CIMIP5: variants seen among roughly 807,000 people sequenced by gnomAD.
CIMIP5 encodes ciliary microtubule inner protein 5, also known as uncharacterized protein C2orf50.
the CIMIP5 span, among the ~76,000 whole-genome samples, chr2:11,148,799 G>A: frequency 1.2e-4 from 17 of 138,536 alleles, no homozygotes; most frequent in Non-Finnish European, 1.8e-4. Flanking sequence ...GCGATAGTGC[G>A]ATCTCGCTCA....
chr2:11,138,784 G>C, the CIMIP5 span, among the ~76,000 whole-genome samples: 31 of 152,286 alleles, frequency 2.0e-4, 2 homozygotes, highest in East Asian at 5.8e-3. Flanking sequence ...CCTGCCTGCT[G>C]CCACTTTGCC....
At chr2:11,148,816 C>T in the CIMIP5 span, among the ~76,000 whole-genome samples, 14 of 148,008 alleles carry the variant, frequency 9.5e-5, no homozygotes, top group African/African-American at 3.6e-4. Flanking sequence ...CTCACTGCAA[C>T]CTTCGCCTCC....
chr2:11,133,572 C>G, the CIMIP5 span: 2 of 1,602,384 alleles, frequency 1.2e-6, no homozygotes, highest in African/African-American at 1.3e-5. Flanking sequence ...GGAGGCCGAG[C>G]GGCGGGGCCA....
chr2:11,145,198 T>C, the CIMIP5 span: 1 of 152,226 alleles, frequency 6.6e-6, no homozygotes, highest in Non-Finnish European at 1.5e-5. Flanking sequence ...TTGGTCAGGC[T>C]GGTCTGAAAC....
the CIMIP5 span, among the ~76,000 whole-genome samples, chr2:11,152,207 G>A: frequency 2.0e-5 from 3 of 152,252 alleles, no homozygotes; most frequent in Non-Finnish European, 4.4e-5. Flanking sequence ...ATTTGGGAAG[G>A]TTCAGACTCT....
At chr2:11,143,781 G>T in the CIMIP5 span, 1 of 694,460 alleles carries the variant, frequency 1.4e-6, no homozygotes, top group Non-Finnish European at 2.2e-6. Context: ...ACTCTTGGGG[G>T]ATCCCAAGTC....
chr2:11,143,768 G>T, the CIMIP5 span: 3 of 569,530 alleles, frequency 5.3e-6, no homozygotes, highest in Non-Finnish European at 8.4e-6. Flanking sequence ...GTGGCATCGG[G>T]TCACTCTTGG....
At chr2:11,152,409 G>A in the CIMIP5 span, among the ~76,000 whole-genome samples, 1 of 152,218 alleles carries the variant, frequency 6.6e-6, no homozygotes, top group Admixed American at 6.5e-5. Flanking sequence ...GCCCAGGAAG[G>A]AACCAGGACA....
At chr2:11,134,830 G>A in the CIMIP5 span, among the ~76,000 whole-genome samples, 1 of 152,164 alleles carries the variant, frequency 6.6e-6, no homozygotes, top group Non-Finnish European at 1.5e-5. Context: ...TTGCATTGCT[G>A]TCAAGGAACA....
At chr2:11,143,121 C>G in the CIMIP5 span, among the ~76,000 whole-genome samples, 4 of 152,122 alleles carry the variant, frequency 2.6e-5, no homozygotes, top group Non-Finnish European at 4.4e-5. Context: ...AGAATCAACC[C>G]AAGTGTGATC....
chr2:11,139,701 A>G, the CIMIP5 span, among the ~76,000 whole-genome samples: 2 of 152,244 alleles, frequency 1.3e-5, no homozygotes, highest in Non-Finnish European at 2.9e-5. Flanking sequence ...TTGTCGTTCT[A>G]GGAAAAGTCA....
the CIMIP5 span, among the ~76,000 whole-genome samples, chr2:11,135,300 C>A: frequency 1.3e-5 from 2 of 152,208 alleles, no homozygotes; most frequent in Non-Finnish European, 2.9e-5. Flanking sequence ...GCAGTGGCAC[C>A]ATTTCGCATT....
At chr2:11,135,292 A>G in the CIMIP5 span, among the ~76,000 whole-genome samples, 1 of 152,222 alleles carries the variant, frequency 6.6e-6, no homozygotes, top group Non-Finnish European at 1.5e-5. Context: ...TTTGCATAGC[A>G]GTGGCACCAT....
the CIMIP5 span, chr2:11,133,390 T>C: frequency 6.2e-7 from 1 of 1,611,998 alleles, no homozygotes; most frequent in African/African-American, 1.3e-5. Flanking sequence ...GGGTACCGAT[T>C]GCCCCCCACC....
the CIMIP5 span, chr2:11,133,297 C>G: frequency 2.3e-5 from 35 of 1,543,064 alleles, no homozygotes; most frequent in African/African-American, 4.3e-4. Context: ...CTCTCTCTCT[C>G]TCTGACACAA....
At chr2:11,133,751 A>G in the CIMIP5 span, among the ~76,000 whole-genome samples, 1 of 152,220 alleles carries the variant, frequency 6.6e-6, no homozygotes, top group South Asian at 2.1e-4. Flanking sequence ...GCCCAGAGCC[A>G]GACCCGAGCC....
chr2:11,149,145 G>A, the CIMIP5 span, among the ~76,000 whole-genome samples: 8 of 152,076 alleles, frequency 5.3e-5, no homozygotes, highest in Non-Finnish European at 1.2e-4. Flanking sequence ...ACACTAAAAC[G>A]ACTGAGTGAA....
chr2:11,139,983 A>G, the CIMIP5 span, among the ~76,000 whole-genome samples: 14 of 149,936 alleles, frequency 9.3e-5, no homozygotes, highest in Non-Finnish European at 2.1e-4. Context: ...GCTACTTGGG[A>G]GGCTGAGACA....
chr2:11,154,253 C>T, the CIMIP5 span, among the ~76,000 whole-genome samples: 2,577 of 152,316 alleles, frequency 0.017, 81 homozygotes, highest in African/African-American at 0.06. Context: ...CGATCAGTAT[C>T]GATCTAGCCA....
Sources: allele counts gnomAD v4.1 joint callset (sites outside exome capture counted in the v4.1 genomes callset), GRCh38; gene constraint gnomAD v4.1.1; transcripts MANE v1.5; gene names NCBI Gene and HGNC (gene_info 2026-07-23, HGNC 2026-07-21).